Variants in BNC1 observed in about 807,000 individuals in gnomAD.
BNC1 encodes the protein zinc finger protein basonuclin-1.
BNC1 carries 8 observed loss-of-function variants against 66.5 expected under a neutral mutation model. The observed-to-expected ratio is 0.12, with a 90% confidence interval of 0.07 to 0.22. BNC1 has a LOEUF of 0.22. Among genes scored for constraint, BNC1 ranks in the 10% least tolerant of loss-of-function variants. The probability of loss-of-function intolerance (pLI) is 1.00; values close to 1 mark genes in which losing one functional copy is unlikely to be tolerated. For synonymous variants in BNC1, 454 were observed against 452.6 expected, an observed-to-expected ratio of 1.00 and a Z score of -0.04; for missense variants, 1,069 against 1,241.3, an observed-to-expected ratio of 0.86 and a Z score of 2.09.
In BNC1 at chr15:83,284,621, C is replaced by T. The variant is rs2151442177; in HGVS notation, c.8G>A (p.Arg3Gln). The T allele has an allele frequency of 1.0e-6, 1 of 998,382 alleles. No individual in the cohort carries two copies. The highest frequency in any genetic ancestry group is 1.8e-5 in the African/African-American group (1 of 57,078). The allele number at this position is 998,382 out of a possible 1,614,324, so 61.8% of individuals were successfully genotyped here. Residue 3 changes from arginine to glutamine, a missense_variant, in exon 1 of 5, where the codon CGG (arginine) becomes CAG (glutamine). Physicochemically the swap from Arg to Gln is conservative, Grantham distance 43. Transcript: ENST00000345382. The stretch of plus-strand genomic sequence containing the variant: ...GCGTCCGCCCCGGCTCGGCGGGCGC[C>T]GCCGCATCCACGCTCCGGCCGTCGG... MR[R>Q]RPPSRGGRGA... is the part of the protein sequence containing the mutation.
At chr15:83,270,051 G>A (rs923342768) in intron 1 of BNC1, among the ~76,000 whole-genome samples, 1 of 152,208 alleles carries the variant, frequency 6.6e-6, no homozygotes. Flanking sequence ...AACCAGATTA[G>A]TAGTTACCTG....
chr15:83,266,735 C>G (rs2038221857), intron 3 of BNC1, 101 bp downstream of exon 3: 2 of 1,046,618 alleles, frequency 1.9e-6, no homozygotes, highest in East Asian at 4.8e-5. Flanking sequence ...GAAAGATGGC[C>G]ACCAAGGGCT....
chr15:83,284,389 G>A (rs2038421110), intron 1 of BNC1, 141 bp downstream of exon 1: 1 of 461,544 alleles, frequency 2.2e-6, no homozygotes, highest in Admixed American at 6.2e-5. Flanking sequence ...CGCGCCTCGG[G>A]GCCGCGCTGC....
chr15:83,274,282 G>A (rs1411504168), intron 1 of BNC1, among the ~76,000 whole-genome samples: 1 of 152,194 alleles, frequency 6.6e-6, no homozygotes, highest in Admixed American at 6.5e-5. Flanking sequence ...CTACAGGGGA[G>A]GCTGAGCCAG....
Position 83,267,032 on chromosome 15 carries a change from C to T in BNC1, c.239G>A (p.Ser80Asn). The T allele has an allele frequency of 6.2e-7, 1 of 1,614,020 alleles. No homozygotes were observed. Among genetic ancestry groups the T allele is most frequent in the African/African-American group, 1.3e-5 (1 of 74,998 alleles). ...KLRIPPMYPT[S>N]QVEIVQSNVV... ...ATTGGACTGGACAATCTCCACCTGG[C>T]TTGTTGGATACATGGGGGGGATCCT... The change falls in exon 3 of 5, where the codon AGC becomes AAC. Residue 80 changes from serine to asparagine, a missense_variant. Physicochemically the swap from Ser to Asn is conservative, Grantham distance 46. This residue lies in a region of BNC1 where 30 missense variants were observed against 20.2 expected (regional missense o/e 1.49). Coordinates refer to ENST00000345382, the MANE Select transcript of BNC1 (RefSeq NM_001717.4).
intron 1 of BNC1, among the ~76,000 whole-genome samples, chr15:83,274,850 T>C (rs1427465923): frequency 6.6e-6 from 1 of 152,232 alleles, no homozygotes; most frequent in Non-Finnish European, 1.5e-5. Context: ...ACTTACAGGC[T>C]ACTGGGATGG....
At position 83,284,659 on chromosome 15, in the gene BNC1, C is replaced by T; in HGVS notation, c.-31G>A. ...CTCCGGCCGTCGGGGCGCGACCCGGCGAAGTGGGCGGCTCCCCAAGCGCCC... is the reference window on the plus strand; with the variant it reads ...CTCCGGCCGTCGGGGCGCGACCCGGTGAAGTGGGCGGCTCCCCAAGCGCCC... On this transcript the variant is annotated 5_prime_UTR_variant, in exon 1 of 5. Transcript: ENST00000345382. The T allele has an allele frequency of 1.0e-6, 1 of 957,960 alleles. No homozygotes were observed. Among genetic ancestry groups the T allele is most frequent in the Non-Finnish European group, 1.2e-6 (1 of 806,020 alleles). 59.3% of individuals were successfully genotyped at this position (957,960 alleles called of 1,614,324 possible). A position where few individuals can be genotyped will look rare whatever the true frequency, so the allele number is the denominator to read the frequency against.
intron 1 of BNC1, chr15:83,283,005 G>A (rs1360502875): frequency 8.9e-6 from 10 of 1,128,174 alleles, no homozygotes; most frequent in East Asian, 2.6e-5. Flanking sequence ...GGCCTTCAGA[G>A]GACTGAGGCG....
chr15:83,280,891 C>T (rs1193420660), intron 1 of BNC1, among the ~76,000 whole-genome samples: 1 of 152,184 alleles, frequency 6.6e-6, no homozygotes. Context: ...CTGTTTGGAC[C>T]TGACCCTCAC....
chr15:83,278,481 C>G (rs1297107138), intron 1 of BNC1, among the ~76,000 whole-genome samples: 2 of 152,044 alleles, frequency 1.3e-5, no homozygotes, highest in Non-Finnish European at 1.5e-5. Context: ...TCTAGGAATT[C>G]AAAATATACT....
intron 1 of BNC1, among the ~76,000 whole-genome samples, chr15:83,276,983 G>A (rs2151439669): frequency 6.6e-6 from 1 of 152,174 alleles, no homozygotes; most frequent in East Asian, 1.9e-4. Context: ...ATTCTCAGTG[G>A]AAAAAAATCG....
intron 1 of BNC1, among the ~76,000 whole-genome samples, chr15:83,268,951 C>T (rs954410471): frequency 6.6e-6 from 1 of 152,202 alleles, no homozygotes; most frequent in African/African-American, 2.4e-5. Context: ...TTTGTCTGAG[C>T]GTGGTGGCTC....
At chr15:83,258,192 G>A (rs777074308) in intron 4 of BNC1, 66 bp from the exon 5 acceptor site, 19 of 1,475,350 alleles carry the variant, frequency 1.3e-5, no homozygotes, top group Non-Finnish European at 1.7e-5. Flanking sequence ...CATTCTGAGT[G>A]GAGAGACTTG....
intron 1 of BNC1, among the ~76,000 whole-genome samples, chr15:83,271,270 T>G (rs2098999204): frequency 6.6e-6 from 1 of 152,132 alleles, no homozygotes; most frequent in South Asian, 2.1e-4. Context: ...AAAAAACCAG[T>G]GACCCTGCTT....
At chr15:83,266,804 C>A (rs2038222367) in intron 3 of BNC1, 32 bp downstream of exon 3, 1 of 1,596,652 alleles carries the variant, frequency 6.3e-7, no homozygotes, top group Non-Finnish European at 8.6e-7. Context: ...TCAGAAAGCA[C>A]CCTAGGAGGA....
intron 1 of BNC1, among the ~76,000 whole-genome samples, chr15:83,269,689 T>TA (rs2151437575): frequency 6.6e-6 from 1 of 152,242 alleles, no homozygotes; most frequent in South Asian, 2.1e-4. Context: ...AAGTTAAACA[T>TA]AGAGTTACTA....
chr15:83,275,280 G>T (rs1290307430), intron 1 of BNC1, among the ~76,000 whole-genome samples: 3 of 152,314 alleles, frequency 2.0e-5, no homozygotes, highest in African/African-American at 7.2e-5. Flanking sequence ...CAGGGAACCT[G>T]AAGTCAGGGG....
At chr15:83,281,063 G>A (rs2038373275) in intron 1 of BNC1, among the ~76,000 whole-genome samples, 1 of 152,150 alleles carries the variant, frequency 6.6e-6, no homozygotes, top group African/African-American at 2.4e-5. Context: ...ACTATGTGAG[G>A]TTTGAGAAGG....
chr15:83,280,380 C>A (rs1383773293), intron 1 of BNC1, among the ~76,000 whole-genome samples: 2 of 152,110 alleles, frequency 1.3e-5, no homozygotes, highest in Non-Finnish European at 2.9e-5. Context: ...GAAAAAAATA[C>A]AGAGCAAAAC....
Sources: allele counts gnomAD v4.1 joint callset (sites outside exome capture counted in the v4.1 genomes callset), GRCh38; gene constraint gnomAD v4.1.1; regional missense constraint gnomAD v4.1.1; transcripts MANE v1.5; gene names NCBI Gene and HGNC (gene_info 2026-07-23, HGNC 2026-07-21).